The following DCDC2 variants were observed in gnomAD, a reference collection of about 807,000 sequenced individuals.
The protein encoded by DCDC2 is doublecortin domain containing 2.
A neutral mutation model predicts 50.2 loss-of-function variants in DCDC2; 40 were observed. That is an observed-to-expected ratio of 0.80 (90% CI 0.62 to 1.04). DCDC2 has a LOEUF of 1.04. DCDC2 is among the 50% of genes least tolerant of loss of function. DCDC2 has a pLI of 0.00. For missense variants in DCDC2, 570 were observed against 581.9 expected (o/e 0.98, Z 0.21); for synonymous variants, 234 against 210.6 (o/e 1.11, Z -0.96).
chr6:24,185,842 A>G (rs909620859), intron 8 of DCDC2, among the ~76,000 whole-genome samples: 2 of 152,320 alleles, frequency 1.3e-5, no homozygotes, highest in African/African-American at 4.8e-5. Context: ...CAAAGGAGGA[A>G]CAAGTTGCAC....
At chr6:24,301,599 A>T (rs548304053) in intron 4 of DCDC2, 116 bp downstream of exon 4, 2 of 1,179,450 alleles carry the variant, frequency 1.7e-6, no homozygotes, top group South Asian at 3.0e-5. Context: ...ACTGAGGCAT[A>T]CGGGGCCTAA....
chr6:24,260,602 A>G (rs1294591541), intron 7 of DCDC2, among the ~76,000 whole-genome samples: 1 of 152,188 alleles, frequency 6.6e-6, no homozygotes, highest in Non-Finnish European at 1.5e-5. Flanking sequence ...TCTAGCTACT[A>G]AAGAAGCTTT....
At chr6:24,375,109 C>T in the DCDC2 span, among the ~76,000 whole-genome samples, 1 of 152,186 alleles carries the variant, frequency 6.6e-6, no homozygotes, top group East Asian at 1.9e-4. Context: ...TCTGTGGAAT[C>T]TAGACTTCCC....
rs576709821 is a variant in DCDC2, at chr6:24,333,297, C to T, written c.348+20272G>A. On this transcript the variant is annotated intron_variant, in intron 2 of 9. Coordinates refer to ENST00000378454, the MANE Select transcript of DCDC2 (RefSeq NM_016356.5). ...AAAACATACTCCACTTCTTGAAAGA[C>T]GGTGGCAAGGTCAGAGAAAAGAGAG... Among the ~76,000 whole-genome samples the T allele has an allele frequency of 2.4e-4, 36 of 152,156 alleles. 1 individual carries two copies. Among genetic ancestry groups the T allele is most frequent in the African/African-American group, 7.9e-4 (33 of 41,542 alleles).
chr6:24,197,873 C>T (rs192639523), intron 8 of DCDC2, among the ~76,000 whole-genome samples: 10 of 152,310 alleles, frequency 6.6e-5, no homozygotes, highest in Non-Finnish European at 1.2e-4. Context: ...TTTCCCCCTC[C>T]TCACCTAAAC....
chr6:24,314,126 G>A (rs1244531905), intron 2 of DCDC2, among the ~76,000 whole-genome samples: 1 of 152,158 alleles, frequency 6.6e-6, no homozygotes, highest in Non-Finnish European at 1.5e-5. Flanking sequence ...ATACTAAAGT[G>A]TTATTAAAAT....
chr6:24,187,267 G>C (rs1561882716), intron 8 of DCDC2, among the ~76,000 whole-genome samples: 2 of 152,160 alleles, frequency 1.3e-5, no homozygotes, highest in South Asian at 2.1e-4. Flanking sequence ...CCAGACATAA[G>C]TTTGGAGTGG....
At chr6:24,365,808 G>C in the DCDC2 span, 1 of 152,022 alleles carries the variant, frequency 6.6e-6, no homozygotes, top group Non-Finnish European at 1.5e-5. Flanking sequence ...TGTTGTTGTT[G>C]TTTTTGTTGT....
chr6:24,256,198 G>C (rs1301151949), intron 7 of DCDC2, among the ~76,000 whole-genome samples: 1 of 151,138 alleles, frequency 6.6e-6, no homozygotes, highest in Non-Finnish European at 1.5e-5. Context: ...GAAGATAGAA[G>C]TCAGAATCAA....
In DCDC2 at chr6:24,177,247, AAAGAT is replaced by A. The variant is rs1364243429; in HGVS notation, c.1326+1078_1326+1082del. 2.0e-5 allele frequency among the ~76,000 whole-genome samples: 3 copies of A among 152,382 alleles called. No homozygotes were observed. The East Asian group carries it at 5.8e-4, about 29-fold the overall frequency. On this transcript the variant is annotated intron_variant, in intron 9 of 9. Transcript: ENST00000378454. ...GGACTATGATTATCTCACCTTGAGA[AAAGAT>A]AAGAGACATGCTGAGCATTTTCATT...
At chr6:24,334,572 C>T (rs907574893) in intron 2 of DCDC2, among the ~76,000 whole-genome samples, 2 of 152,160 alleles carry the variant, frequency 1.3e-5, no homozygotes, top group African/African-American at 4.8e-5. Flanking sequence ...CCTGCAAAGC[C>T]TAAGTTATTT....
Position 24,219,118 on chromosome 6 carries a change from G to C in DCDC2, c.923-14016C>G, listed in dbSNP as rs1331876597. On this transcript the variant is annotated intron_variant, in intron 7 of 9. Coordinates refer to ENST00000378454, the MANE Select transcript of DCDC2 (RefSeq NM_016356.5). ...CAGTTGAATTAACTTTTATTTTGTT[G>C]TTATATTTTATATACTTCCAGACAC... Among the ~76,000 whole-genome samples, 10 of 152,022 alleles carry C rather than the reference G, an allele frequency of 6.6e-5. No individual in the cohort carries two copies. The East Asian group carries it at 1.9e-3, about 29-fold the overall frequency.
intron 6 of DCDC2, among the ~76,000 whole-genome samples, chr6:24,286,384 G>A (rs1382134731): frequency 3.3e-5 from 5 of 152,114 alleles, no homozygotes; most frequent in African/African-American, 1.2e-4. Flanking sequence ...CTGGAGCCCA[G>A]GACTTTGAGA....
intron 5 of DCDC2, among the ~76,000 whole-genome samples, chr6:24,290,096 C>T (rs1436689103): frequency 6.9e-6 from 1 of 145,202 alleles, no homozygotes. Context: ...CGGGTTCACG[C>T]CATTCTCCTG....
chr6:24,237,363 T>G (rs903297524), intron 7 of DCDC2, among the ~76,000 whole-genome samples: 2 of 152,142 alleles, frequency 1.3e-5, no homozygotes, highest in East Asian at 1.9e-4. Context: ...CCCTTAAACC[T>G]AAAAGTTATA....
At chr6:24,368,194 A>G in the DCDC2 span, among the ~76,000 whole-genome samples, 2 of 152,154 alleles carry the variant, frequency 1.3e-5, no homozygotes, top group African/African-American at 2.4e-5. Context: ...AATAGATGAA[A>G]AATATGAAAG....
intron 1 of DCDC2, among the ~76,000 whole-genome samples, chr6:24,356,181 T>C (rs1333785800): frequency 6.6e-6 from 1 of 152,174 alleles, no homozygotes; most frequent in East Asian, 1.9e-4. Context: ...TGGATAAGCA[T>C]GGATATAAAA....
upstream of DCDC2, among the ~76,000 whole-genome samples, chr6:24,360,020 G>T (rs915015423): frequency 3.9e-5 from 6 of 152,326 alleles, no homozygotes; most frequent in Admixed American, 2.0e-4. Context: ...GCGGGGGCGG[G>T]GCGGTGCGGC....
At chr6:24,262,828 CTGGG>C (rs1763041634) in intron 7 of DCDC2, among the ~76,000 whole-genome samples, 1 of 152,236 alleles carries the variant, frequency 6.6e-6, no homozygotes, top group Non-Finnish European at 1.5e-5. Context: ...ATGGGTCTGG[CTGGG>C]TTCACCAACT....
Sources: allele counts gnomAD v4.1 joint callset (sites outside exome capture counted in the v4.1 genomes callset), GRCh38; gene constraint gnomAD v4.1.1; transcripts MANE v1.5; gene names NCBI Gene and HGNC (gene_info 2026-07-23, HGNC 2026-07-21).